CFAP299: variants seen among roughly 807,000 people sequenced by gnomAD.
CFAP299 encodes cilia- and flagella-associated protein 299.
CFAP299 carries 21 observed loss-of-function variants against 27.0 expected under a neutral mutation model. That is an observed-to-expected ratio of 0.78 (90% CI 0.55 to 1.12). CFAP299 has a LOEUF of 1.12. Among genes scored for constraint, CFAP299 ranks in the 50% most tolerant of loss-of-function variants. CFAP299 has a pLI of 0.00. For missense variants in CFAP299, 310 were observed against 276.6 expected (o/e 1.12, Z -0.86); for synonymous variants, 104 against 98.1 (o/e 1.06, Z -0.36).
chr4:80,382,563 T>C lies in CFAP299; in HGVS notation c.242+19679T>C, dbSNP rs144180785. ...CACTTTTCAAAAGAAGACATACATGTGGCCAACAAGGATATGAAAAAAGGC... is the reference window on the plus strand; with the variant it reads ...CACTTTTCAAAAGAAGACATACATGCGGCCAACAAGGATATGAAAAAAGGC... On this transcript the variant is annotated intron_variant, in intron 2 of 5. Transcript: ENST00000358105. Among the ~76,000 whole-genome samples, 1,193 of 152,220 alleles carry C rather than the reference T, an allele frequency of 7.8e-3. 3 individuals carry two copies. The highest frequency in any genetic ancestry group is 0.024 in the Middle Eastern group (7 of 294).
chr4:80,855,381 T>C (rs1409350255), intron 3 of CFAP299, among the ~76,000 whole-genome samples: 2 of 151,882 alleles, frequency 1.3e-5, no homozygotes, highest in Admixed American at 1.3e-4. Flanking sequence ...TATTCTTTTT[T>C]ATCTTATTTT....
intron 2 of CFAP299, among the ~76,000 whole-genome samples, chr4:80,374,830 C>T (rs1724324565): frequency 6.6e-6 from 1 of 152,038 alleles, no homozygotes; most frequent in African/African-American, 2.4e-5. Flanking sequence ...CTAGGGAATT[C>T]CCCTTCAGTG....
intron 4 of CFAP299, among the ~76,000 whole-genome samples, chr4:80,943,140 G>A (rs754606866): frequency 1.3e-5 from 2 of 152,098 alleles, no homozygotes; most frequent in Non-Finnish European, 2.9e-5. Flanking sequence ...GTTTTCTTAG[G>A]GAGAATTGAC....
intron 2 of CFAP299, among the ~76,000 whole-genome samples, chr4:80,451,066 C>T (rs1037911902): frequency 6.6e-6 from 1 of 152,054 alleles, no homozygotes; most frequent in Non-Finnish European, 1.5e-5. Context: ...GGACTGCCAA[C>T]AAAATCTCAC....
intron 3 of CFAP299, among the ~76,000 whole-genome samples, chr4:80,740,666 C>T (rs551244134): frequency 6.6e-6 from 1 of 152,278 alleles, no homozygotes; most frequent in South Asian, 2.1e-4. Context: ...CGTTAGGAGC[C>T]AGGAATTGGA....
chr4:80,954,808 G>T (rs1578265656), intron 5 of CFAP299, among the ~76,000 whole-genome samples: 1 of 151,618 alleles, frequency 6.6e-6, no homozygotes, highest in Non-Finnish European at 1.5e-5. Flanking sequence ...GACCATCCTG[G>T]CTAACAAGGG....
Position 80,386,902 on chromosome 4 carries a change from G to C in CFAP299, c.242+24018G>C, listed in dbSNP as rs1215574943. ...GACTCGCACACCGAGCATTTGTAGG[G>C]CTTCTCGCCTGAGTGGTTGTGAGCG... On this transcript the variant is annotated intron_variant, in intron 2 of 5. Transcript: ENST00000358105. The C allele has an allele frequency of 9.5e-6, 8 of 841,958 alleles. No homozygotes were observed. The Admixed American group carries it at 1.4e-4, about 15-fold the overall frequency. 52.2% of individuals were successfully genotyped at this position (841,958 alleles called of 1,614,324 possible). A position where few individuals can be genotyped will look rare whatever the true frequency, so the allele number is the denominator to read the frequency against.
At chr4:80,598,188 C>G (rs1257606832) in intron 3 of CFAP299, among the ~76,000 whole-genome samples, 1 of 152,148 alleles carries the variant, frequency 6.6e-6, no homozygotes, top group Non-Finnish European at 1.5e-5. Context: ...CATAGATAAA[C>G]AAGAAGCCTG....
At chr4:80,633,317 G>A (rs1739312355) in intron 3 of CFAP299, among the ~76,000 whole-genome samples, 1 of 152,064 alleles carries the variant, frequency 6.6e-6, no homozygotes, top group African/African-American at 2.4e-5. Flanking sequence ...ATGGTGGCAT[G>A]CTCCTGTAGT....
At chr4:80,874,030 A>G (rs1224253552) in intron 4 of CFAP299, among the ~76,000 whole-genome samples, 1 of 152,198 alleles carries the variant, frequency 6.6e-6, no homozygotes, top group Non-Finnish European at 1.5e-5. Flanking sequence ...AGTTAGAATT[A>G]TATGCACTTA....
chr4:80,855,706 T>A (rs1349556047), intron 3 of CFAP299, among the ~76,000 whole-genome samples: 1 of 152,226 alleles, frequency 6.6e-6, no homozygotes. Context: ...GATTTCCAAT[T>A]TCATCTATGT....
the CFAP299 span, among the ~76,000 whole-genome samples, chr4:80,324,419 G>A: frequency 1.4e-4 from 21 of 152,056 alleles, no homozygotes; most frequent in African/African-American, 3.9e-4. Context: ...TAATTGGCTC[G>A]TAAAACTACA....
At chr4:80,909,566 T>A (rs1735364665) in intron 4 of CFAP299, among the ~76,000 whole-genome samples, 1 of 152,002 alleles carries the variant, frequency 6.6e-6, no homozygotes, top group Admixed American at 6.6e-5. Context: ...TTGTTTTTAC[T>A]GTGAATCTTT....
intron 3 of CFAP299, among the ~76,000 whole-genome samples, chr4:80,844,252 C>T (rs1027744743): frequency 2.0e-5 from 3 of 152,010 alleles, no homozygotes; most frequent in African/African-American, 4.8e-5. Flanking sequence ...GATTTATAGT[C>T]CTTTGGGTAT....
intron 3 of CFAP299, among the ~76,000 whole-genome samples, chr4:80,702,968 C>T (rs886131134): frequency 6.6e-6 from 1 of 151,758 alleles, no homozygotes; most frequent in African/African-American, 2.4e-5. Context: ...GATCAACCTC[C>T]AGCTCTTCAT....
intron 3 of CFAP299, among the ~76,000 whole-genome samples, chr4:80,861,504 A>G (rs71596039): frequency 0.26 from 38,948 of 151,800 alleles, 7,284 homozygotes; most frequent in African/African-American, 0.52. Context: ...CTTCTGCGTC[A>G]CTCATGCTGG....
At chr4:80,819,357 G>A (rs1475631416) in intron 3 of CFAP299, among the ~76,000 whole-genome samples, 3 of 152,122 alleles carry the variant, frequency 2.0e-5, no homozygotes, top group Non-Finnish European at 4.4e-5. Context: ...CTTCTGGTTA[G>A]GAGTCTTAAG....
At chr4:80,848,868 A>G (rs1432362801) in intron 3 of CFAP299, among the ~76,000 whole-genome samples, 1 of 152,212 alleles carries the variant, frequency 6.6e-6, no homozygotes, top group Non-Finnish European at 1.5e-5. Context: ...AGCTTGTACC[A>G]CTGGAAGTTG....
At chr4:80,937,951 G>C (rs147309236) in intron 4 of CFAP299, among the ~76,000 whole-genome samples, 13 of 152,100 alleles carry the variant, frequency 8.5e-5, no homozygotes, top group African/African-American at 2.7e-4. Flanking sequence ...ACATCTTATA[G>C]TTATGACAGG....
Sources: gnomAD v4.1 joint callset for allele counts (sites outside exome capture counted in the v4.1 genomes callset) on GRCh38, gnomAD v4.1.1 for gene constraint, MANE v1.5 for transcripts, NCBI Gene and HGNC (gene_info 2026-07-23, HGNC 2026-07-21) for gene names.